Variants in MAPKAPK2 observed in about 807,000 individuals in gnomAD.
MAPKAPK2 encodes the protein MAPK activated protein kinase 2.
A neutral mutation model predicts 48.8 loss-of-function variants in MAPKAPK2; 9 were observed. That is an observed-to-expected ratio of 0.18 (90% CI 0.11 to 0.32). MAPKAPK2 has a LOEUF of 0.32. MAPKAPK2 is among the 10% of genes least tolerant of loss of function. The probability of loss-of-function intolerance (pLI) is 1.00; values close to 1 mark genes in which losing one functional copy is unlikely to be tolerated. For missense variants in MAPKAPK2, 331 were observed against 498.3 expected, an observed-to-expected ratio of 0.66 and a Z score of 3.20; for synonymous variants, 202 against 190.6, an observed-to-expected ratio of 1.06 and a Z score of -0.49.
At chr1:206,713,756 G>A (rs1433629508) in intron 1 of MAPKAPK2, among the ~76,000 whole-genome samples, 5 of 152,168 alleles carry the variant, frequency 3.3e-5, no homozygotes, top group African/African-American at 1.2e-4. Context: ...GTCCCAGCTA[G>A]TCAGGTGCTT....
At chr1:206,728,006 A>G (rs1673760558) in intron 1 of MAPKAPK2, among the ~76,000 whole-genome samples, 1 of 120,612 alleles carries the variant, frequency 8.3e-6, no homozygotes, top group South Asian at 2.7e-4. Flanking sequence ...GGAATTAATG[A>G]GACTGGCTTA....
chr1:206,691,786 G>A (rs920645214), intron 1 of MAPKAPK2, among the ~76,000 whole-genome samples: 6 of 151,944 alleles, frequency 3.9e-5, no homozygotes, highest in South Asian at 2.1e-4. Flanking sequence ...GACTTGCTCC[G>A]GGTCTGACCA....
At chr1:206,713,608 T>A (rs559782554) in intron 1 of MAPKAPK2, among the ~76,000 whole-genome samples, 7 of 152,348 alleles carry the variant, frequency 4.6e-5, no homozygotes, top group African/African-American at 1.7e-4. Flanking sequence ...GGCTCATGCC[T>A]GTAATCCTAG....
At chr1:206,730,794 G>GGC in intron 6 of MAPKAPK2, 31 bp downstream of exon 6, 1 of 1,387,438 alleles carries the variant, frequency 7.2e-7, no homozygotes, top group Non-Finnish European at 1.0e-6. Flanking sequence ...GCTGGGTGGG[G>GGC]CAGGGAGTCA....
chr1:206,715,616 T>C (rs57933709), intron 1 of MAPKAPK2, among the ~76,000 whole-genome samples: 5,897 of 149,362 alleles, frequency 0.039, 258 homozygotes, highest in African/African-American at 0.11. Flanking sequence ...TTTTTTTTTC[T>C]TTTTCTTTCT....
chr1:206,697,458 G>A (rs1257822408), intron 1 of MAPKAPK2, among the ~76,000 whole-genome samples: 15 of 152,120 alleles, frequency 9.9e-5, no homozygotes, highest in African/African-American at 3.6e-4. Context: ...CTTCTGGTGA[G>A]GACCTCAGGA....
intron 1 of MAPKAPK2, among the ~76,000 whole-genome samples, chr1:206,728,439 A>G (rs1397876945): frequency 6.6e-6 from 1 of 152,124 alleles, no homozygotes. Context: ...TTTATGGCCT[A>G]AGCTGGAGAC....
chr1:206,694,186 C>T (rs573857980), intron 1 of MAPKAPK2, among the ~76,000 whole-genome samples: 16 of 152,306 alleles, frequency 1.1e-4, no homozygotes, highest in Middle Eastern at 6.8e-3. Flanking sequence ...TGATACTAAT[C>T]GTGGCCTAGG....
chr1:206,726,134 C>T (rs375532614), intron 1 of MAPKAPK2, among the ~76,000 whole-genome samples: 11 of 152,328 alleles, frequency 7.2e-5, no homozygotes, highest in African/African-American at 2.6e-4. Flanking sequence ...ACCTGTAATC[C>T]CAGCACATTG....
intron 1 of MAPKAPK2, among the ~76,000 whole-genome samples, chr1:206,728,049 AGAAG>A (rs1673763350): frequency 6.6e-6 from 1 of 152,162 alleles, no homozygotes; most frequent in East Asian, 1.9e-4. Context: ...GAGGCTGGTG[AGAAG>A]CCAGCCTCCT....
chr1:206,695,972 A>C, intron 1 of MAPKAPK2: 1 of 729,276 alleles, frequency 1.4e-6, no homozygotes, highest in Admixed American at 1.9e-5. Flanking sequence ...TCTTGGTTCT[A>C]CTTCCTCCTA....
chr1:206,707,223 C>G (rs1307305577), intron 1 of MAPKAPK2, among the ~76,000 whole-genome samples: 4 of 152,040 alleles, frequency 2.6e-5, no homozygotes, highest in Non-Finnish European at 5.9e-5. Context: ...AGGGTGGGAG[C>G]AGGACTTCCC....
intron 1 of MAPKAPK2, among the ~76,000 whole-genome samples, chr1:206,725,082 T>C (rs1043698327): frequency 1.3e-5 from 2 of 152,226 alleles, no homozygotes; most frequent in African/African-American, 4.8e-5. Context: ...AAAGCCTAGG[T>C]TCACTGTGCT....
In MAPKAPK2 at chr1:206,732,473, C is replaced by T. The variant is rs1673951049; in HGVS notation, c.1060-102C>T. ...TCTGCTCCCACCCCTGCCGCCCTCA[C>T]CCTGCCCTTGTTGTCTCTGTCTCTC... On this transcript the variant is annotated intron_variant, in intron 9 of 9. Coordinates refer to ENST00000367103, the MANE Select transcript of MAPKAPK2 (RefSeq NM_032960.4). This position sits in a 1 kb window ranked among gnomAD's most constrained non-coding sequence, Gnocchi z 4.4. The T allele has an allele frequency of 3.3e-5, 51 of 1,550,082 alleles. 2 individuals are homozygous for T. The South Asian group carries it at 6.2e-4, about 19-fold the overall frequency.
intron 1 of MAPKAPK2, among the ~76,000 whole-genome samples, chr1:206,710,582 A>G (rs1353937281): frequency 2.0e-5 from 3 of 152,256 alleles, no homozygotes; most frequent in Non-Finnish European, 4.4e-5. Flanking sequence ...CTACATATAC[A>G]GCCTGGGAAA....
intron 1 of MAPKAPK2, among the ~76,000 whole-genome samples, chr1:206,712,999 C>CACACACACACACACAG: frequency 6.6e-6 from 1 of 151,642 alleles, no homozygotes; most frequent in Non-Finnish European, 1.5e-5. Flanking sequence ...CACACACACA[C>CACACACACACACACAG]ACACACTAAT....
chr1:206,724,677 A>G (rs574641469), intron 1 of MAPKAPK2, among the ~76,000 whole-genome samples: 6 of 151,904 alleles, frequency 3.9e-5, no homozygotes, highest in African/African-American at 9.7e-5. Context: ...ACCTTTTCCA[A>G]TTTATTTCAG....
At chr1:206,690,260 G>A (rs181916963) in intron 1 of MAPKAPK2, among the ~76,000 whole-genome samples, 1 of 152,206 alleles carries the variant, frequency 6.6e-6, no homozygotes, top group African/African-American at 2.4e-5. Flanking sequence ...CCTCCTGGCC[G>A]TAGCCCTGAC....
chr1:206,730,110 G>T lies in MAPKAPK2; in HGVS notation c.691+12G>T, dbSNP rs782176693. 3.1e-6 allele frequency: 5 copies of T among 1,614,138 alleles called. No homozygotes were observed. The South Asian group carries it at 5.5e-5, about 18-fold the overall frequency. The stretch of plus-strand genomic sequence containing the variant: ...ACCGTACTATGTGGGTAAGTCCACA[G>T]GGGGCCCAGGGACCTAGGCTTTTCC... On this transcript the variant is annotated intron_variant, in intron 5 of 9. Transcript: ENST00000367103.
Sources: gnomAD v4.1 joint callset for allele counts (sites outside exome capture counted in the v4.1 genomes callset) on GRCh38, gnomAD v4.1.1 for gene constraint, Gnocchi (gnomAD v3.1) non-coding constraint, MANE v1.5 for transcripts, NCBI Gene and HGNC (gene_info 2026-07-23, HGNC 2026-07-21) for gene names.